The following CUBN variants were observed in gnomAD, a reference collection of about 807,000 sequenced individuals.
CUBN encodes the protein 460 kDa receptor.
CUBN carries 282 observed loss-of-function variants against 405.3 expected under a neutral mutation model. The ratio of observed to expected loss-of-function variants is 0.70; its 90% CI spans 0.63 to 0.77. CUBN has a LOEUF of 0.77. Ranked by LOEUF, CUBN falls within the 30% of genes least tolerant of loss-of-function variation. CUBN has a pLI of 0.00. For missense variants in CUBN, 4,514 were observed against 4,475.2 expected, an observed-to-expected ratio of 1.01 and a Z score of -0.25; for synonymous variants, 1,684 against 1,617.0, an observed-to-expected ratio of 1.04 and a Z score of -0.99.
Position 17,115,487 on chromosome 10 carries a change from C to A in CUBN, c.704G>T (p.Arg235Leu). The A allele has an allele frequency of 1.2e-6, 2 of 1,613,990 alleles. No homozygotes were observed. The highest frequency in any genetic ancestry group is 1.7e-6 in the Non-Finnish European group (2 of 1,179,956). The change falls in exon 7 of 67, where the codon CGA becomes CTA. Residue 235 changes from arginine to leucine, a missense_variant. This residue lies in a region of CUBN where 1,448 missense variants were observed against 1,388.0 expected (regional missense o/e 1.04). Transcript: ENST00000377833. ...CVHGICEDLM[R>L]EQAGEPKYSC... Reference sequence around the variant, plus strand: ...GGGACCCACCTCTCCAGCTTGCTCTCGCATTAAATCCTCACAGATGCCATG... The same window carrying A: ...GGGACCCACCTCTCCAGCTTGCTCTAGCATTAAATCCTCACAGATGCCATG...
intron 31 of CUBN, among the ~76,000 whole-genome samples, chr10:16,973,960 A>G (rs1833015887): frequency 6.6e-6 from 1 of 152,074 alleles, no homozygotes; most frequent in Non-Finnish European, 1.5e-5. Flanking sequence ...ACGGGCATGC[A>G]TGTCTGACTC....
In CUBN at chr10:17,026,322, A is replaced by G. The variant is rs539046661; in HGVS notation, c.4018-6339T>C. Reference sequence around the variant, plus strand: ...GGCTTTGAAATGTTCCTGTAACAACAGTAGAAATTGCAAAGCAAGAATCAC... The same window carrying G: ...GGCTTTGAAATGTTCCTGTAACAACGGTAGAAATTGCAAAGCAAGAATCAC... On this transcript the variant is annotated intron_variant, in intron 27 of 66. Transcript: ENST00000377833. 3.3e-5 allele frequency among the ~76,000 whole-genome samples: 5 copies of G among 152,364 alleles called. No individual in the cohort carries two copies. In the South Asian group the frequency reaches 1.0e-3, roughly 32 times the overall value.
chr10:16,916,306 A>G (rs1485521001), intron 45 of CUBN, among the ~76,000 whole-genome samples: 3 of 152,256 alleles, frequency 2.0e-5, no homozygotes, highest in African/African-American at 7.2e-5. Context: ...GTAATGTCAC[A>G]TTAATTCTTT....
intron 28 of CUBN, among the ~76,000 whole-genome samples, chr10:17,014,267 C>G (rs1033425288): frequency 1.3e-5 from 2 of 152,210 alleles, no homozygotes; most frequent in African/African-American, 4.8e-5. Flanking sequence ...TATTCCTGCT[C>G]TCTCTGTGAT....
intron 59 of CUBN, 93 bp downstream of exon 59, chr10:16,869,543 T>G: frequency 5.8e-6 from 5 of 869,290 alleles, no homozygotes; most frequent in Non-Finnish European, 9.0e-6. Context: ...AAAGCAATCA[T>G]AATCAGGTGG....
chr10:16,864,170 G>A lies in CUBN; in HGVS notation c.9454+5466C>T, dbSNP rs113945570. ...GTAAATCACTCATATGGACAATATCGATGGAGTAACAATTGTGCAAGGCCT... is the reference window on the plus strand; with the variant it reads ...GTAAATCACTCATATGGACAATATCAATGGAGTAACAATTGTGCAAGGCCT... On this transcript the variant is annotated intron_variant, in intron 59 of 66. Coordinates refer to ENST00000377833, the MANE Select transcript of CUBN (RefSeq NM_001081.4). Among the ~76,000 whole-genome samples, 734 of 152,254 alleles carry A rather than the reference G, an allele frequency of 4.8e-3. 4 individuals carry two copies. The highest frequency in any genetic ancestry group is 0.016 in the African/African-American group (678 of 41,552).
intron 28 of CUBN, among the ~76,000 whole-genome samples, chr10:16,993,648 G>GA (rs1833654519): frequency 6.6e-6 from 1 of 150,948 alleles, no homozygotes; most frequent in Non-Finnish European, 1.5e-5. Flanking sequence ...GCTTCTTAAA[G>GA]AAAAATTTCT....
intron 22 of CUBN, among the ~76,000 whole-genome samples, chr10:17,060,458 A>C (rs1835480108): frequency 6.6e-6 from 1 of 152,198 alleles, no homozygotes; most frequent in South Asian, 2.1e-4. Context: ...ATGTCAATTT[A>C]AGGATGAAGA....
In CUBN at chr10:16,915,978, T is replaced by C. The variant is rs748964019; in HGVS notation, c.7053A>G (p.Gly2351=). The C allele has an allele frequency of 6.2e-7, 1 of 1,614,036 alleles. No homozygotes were observed. The highest frequency in any genetic ancestry group is 1.1e-5 in the South Asian group (1 of 91,086). ...TGTCTCTGTATGGAAGTGTTGGATG[T>C]CCAATGCTTTCAACAACACCACTTT... ...PGQSGVVESI[G]HPTLPYRDNL... Residue 2351 remains glycine, a synonymous_variant, in exon 46 of 67, where the codon GGA becomes GGG. Coordinates refer to ENST00000377833, the MANE Select transcript of CUBN (RefSeq NM_001081.4).
intron 58 of CUBN, among the ~76,000 whole-genome samples, chr10:16,873,653 C>T (rs1840420556): frequency 6.8e-6 from 1 of 146,550 alleles, no homozygotes; most frequent in Admixed American, 7.1e-5. Context: ...ACCTGGGAGG[C>T]AGAGGTTGCA....
chr10:16,977,690 G>A (rs1156398516), intron 31 of CUBN, among the ~76,000 whole-genome samples: 1 of 152,222 alleles, frequency 6.6e-6, no homozygotes, highest in Non-Finnish European at 1.5e-5. Flanking sequence ...ATCTGAGGAT[G>A]GCAGAGCTAA....
At chr10:16,933,868 C>T (rs929882632) in intron 39 of CUBN, among the ~76,000 whole-genome samples, 1 of 152,156 alleles carries the variant, frequency 6.6e-6, no homozygotes, top group Admixed American at 6.5e-5. Flanking sequence ...ACTGGTGTCA[C>T]TGCCTTGCAC....
chr10:16,902,769 G>A (rs1345969768), intron 51 of CUBN, among the ~76,000 whole-genome samples: 2 of 152,334 alleles, frequency 1.3e-5, no homozygotes, highest in East Asian at 1.9e-4. Flanking sequence ...AGGAGTGAAA[G>A]TGAAAGAGTG....
At chr10:16,852,071 T>C (rs1588587213) in intron 59 of CUBN, among the ~76,000 whole-genome samples, 1 of 45,078 alleles carries the variant, frequency 2.2e-5, no homozygotes, top group African/African-American at 8.7e-5. Context: ...TTTCCCTCCC[T>C]CCATCATCTT....
chr10:17,054,680 A>G (rs550428626), intron 22 of CUBN, among the ~76,000 whole-genome samples: 1 of 152,204 alleles, frequency 6.6e-6, no homozygotes, highest in South Asian at 2.1e-4. Flanking sequence ...GAAAGACACC[A>G]TTACAAAAAA....
intron 14 of CUBN, among the ~76,000 whole-genome samples, chr10:17,092,317 T>G (rs773522982): frequency 6.6e-6 from 1 of 152,072 alleles, no homozygotes; most frequent in Non-Finnish European, 1.5e-5. Flanking sequence ...TCTACAACCC[T>G]TAGGATTAAA....
intron 50 of CUBN, 81 bp downstream of exon 50, chr10:16,906,122 A>G (rs1841546752): frequency 8.6e-7 from 1 of 1,162,732 alleles, no homozygotes; most frequent in South Asian, 1.3e-5. Context: ...TCAAAACAAC[A>G]ACAACAGCAG....
Position 16,975,624 on chromosome 10 carries a change from C to CTTT in CUBN, c.4695+6857_4695+6859dup, listed in dbSNP as rs199779818. Among the ~76,000 whole-genome samples the CTTT allele has an allele frequency of 4.4e-3, 545 of 124,108 alleles. 3 individuals are homozygous for CTTT. Among genetic ancestry groups the CTTT allele is most frequent in the East Asian group, 7.4e-3 (29 of 3,906 alleles). 81.4% of individuals were successfully genotyped at this position (124,108 alleles called of 152,430 possible). ...CATTCAAACTTCTCTTAAAGACCTT[C>CTTT]TTTTTTTTTTTTTTTTTTTTTTTTT... is the stretch of plus-strand genomic sequence containing the variant. On this transcript the variant is annotated intron_variant, in intron 31 of 66. Transcript: ENST00000377833.
At position 17,088,155 on chromosome 10, in the gene CUBN, A is replaced by T. The variant is rs376950340; in HGVS notation, c.1947+9T>A. On this transcript the variant is annotated intron_variant, in intron 15 of 66. Coordinates refer to ENST00000377833, the MANE Select transcript of CUBN (RefSeq NM_001081.4). ...TTGTGATATGTTCTATCTAAATATA[A>T]TTATTTACCTCAAGGTAATCTTTGT... 2.6e-4 allele frequency: 414 copies of T among 1,603,192 alleles called. No homozygotes were observed. The African/African-American group carries it at 4.5e-3, about 18-fold the overall frequency.
Sources: gnomAD v4.1 joint callset for allele counts (sites outside exome capture counted in the v4.1 genomes callset) on GRCh38, gnomAD v4.1.1 for gene constraint, gnomAD v4.1.1 regional missense constraint, MANE v1.5 for transcripts, NCBI Gene and HGNC (gene_info 2026-07-23, HGNC 2026-07-21) for gene names.